PKP2: variants seen among roughly 807,000 people sequenced by gnomAD.
The protein encoded by PKP2 is plakophilin 2.
A neutral mutation model predicts 83.4 loss-of-function variants in PKP2; 73 were observed. The ratio of observed to expected loss-of-function variants is 0.88; its 90% CI spans 0.72 to 1.06. The LOEUF (loss-of-function observed/expected upper bound fraction) is 1.06. Among genes scored for constraint, PKP2 ranks in the 50% least tolerant of loss-of-function variants. PKP2 has a pLI of 0.00. For missense variants in PKP2, 966 were observed against 1,065.4 expected (o/e 0.91, Z 1.30); for synonymous variants, 409 against 430.4 (o/e 0.95, Z 0.62).
At chr12:32,858,205 G>A (rs932521967) in intron 4 of PKP2, among the ~76,000 whole-genome samples, 2 of 144,796 alleles carry the variant, frequency 1.4e-5, no homozygotes, top group African/African-American at 5.2e-5. Flanking sequence ...CTACTTGGGA[G>A]GCTCCGGTGG....
In PKP2 at chr12:32,821,560, A is replaced by C. The variant is rs371819053; in HGVS notation, c.1840-31T>G. The C allele has an allele frequency of 5.0e-6, 8 of 1,609,474 alleles. No individual in the cohort carries two copies. In the African/African-American group the frequency reaches 1.1e-4, roughly 22 times the overall value. On this transcript the variant is annotated intron_variant, in intron 8 of 12. Transcript: ENST00000340811. ...CACACACAAAAGGAATCCAGAATTAATGCATGTCAGGTGATGGCTATAATT... is the reference window on the plus strand; with the variant it reads ...CACACACAAAAGGAATCCAGAATTACTGCATGTCAGGTGATGGCTATAATT...
At chr12:32,866,374 G>A (rs1165165895) in intron 4 of PKP2, among the ~76,000 whole-genome samples, 2 of 151,650 alleles carry the variant, frequency 1.3e-5, no homozygotes, top group East Asian at 1.9e-4. Context: ...GCAACATGGT[G>A]AAACCCCATC....
intron 4 of PKP2, among the ~76,000 whole-genome samples, chr12:32,855,477 T>A (rs1956736995): frequency 6.6e-6 from 1 of 152,104 alleles, no homozygotes; most frequent in Non-Finnish European, 1.5e-5. Flanking sequence ...ATATGTCATT[T>A]AAAAAATGGA....
intron 3 of PKP2, among the ~76,000 whole-genome samples, chr12:32,877,057 A>G (rs533562157): frequency 2.0e-5 from 3 of 152,342 alleles, no homozygotes; most frequent in Admixed American, 2.0e-4. Context: ...ATCATTAGAC[A>G]ACTTTAGCAA....
At chr12:32,802,952 C>A (rs1241581902) in intron 9 of PKP2, among the ~76,000 whole-genome samples, 1 of 151,992 alleles carries the variant, frequency 6.6e-6, no homozygotes, top group African/African-American at 2.4e-5. Context: ...AACCACCATG[C>A]CCAGCCGAAG....
chr12:32,878,935 G>C lies in PKP2; in HGVS notation c.321C>G (p.Thr107=), dbSNP rs1287313743. 6.4e-7 allele frequency: 1 copy of C among 1,572,074 alleles called. No individual in the cohort carries two copies. The highest frequency in any genetic ancestry group is 8.7e-7 in the Non-Finnish European group (1 of 1,143,568). The part of the protein sequence containing the change: ...FVGGRSPVPK[T]YDMLKAGTTA... ...GATATCCTACCTTTAGCATGTCATA[G>C]GTTTTAGGAACAGGGGAACGGCCTC... Residue 107 remains threonine, a synonymous_variant, in exon 2 of 13, where the codon ACC becomes ACG. Coordinates refer to ENST00000340811, the MANE Select transcript of PKP2 (RefSeq NM_001005242.3).
rs71447623 is a variant in PKP2, at chr12:32,796,035, CA to C, written c.2357+73del. On this transcript the variant is annotated intron_variant, in intron 11 of 12. Transcript: ENST00000340811. ...CACATGATGGTCATGACCGCACATT[CA>C]CAACCGGATTATTTACACACAGGCT... 0.48 allele frequency: 638,426 copies of C among 1,337,804 alleles called. 164,606 individuals are homozygous for C. The highest frequency in any genetic ancestry group is 0.54 in the Non-Finnish European group (503,964 of 930,702). 82.9% of individuals were successfully genotyped at this position (1,337,804 alleles called of 1,614,324 possible).
chr12:32,819,126 A>T (rs1285612688), intron 9 of PKP2, among the ~76,000 whole-genome samples: 1 of 151,800 alleles, frequency 6.6e-6, no homozygotes, highest in East Asian at 1.9e-4. Context: ...AAAAATACAA[A>T]AATTAGCTGG....
At chr12:32,843,124 C>A (rs141138287) in intron 5 of PKP2, 27 of 410,568 alleles carry the variant, frequency 6.6e-5, no homozygotes, top group East Asian at 3.6e-4. Context: ...GGATTACAGG[C>A]GCAGACCACG....
chr12:32,886,745 A>T (rs1252965298), intron 1 of PKP2, among the ~76,000 whole-genome samples: 1 of 152,168 alleles, frequency 6.6e-6, no homozygotes, highest in African/African-American at 2.4e-5. Flanking sequence ...CAATCCTAGC[A>T]CTTGGGGAGG....
chr12:32,842,948 C>A (rs1956610004), intron 5 of PKP2, among the ~76,000 whole-genome samples: 1 of 151,886 alleles, frequency 6.6e-6, no homozygotes, highest in Non-Finnish European at 1.5e-5. Context: ...GCTGAGATTA[C>A]AGGCGTGAGC....
chr12:32,880,408 C>A (rs1465768122), intron 1 of PKP2, among the ~76,000 whole-genome samples: 1 of 151,916 alleles, frequency 6.6e-6, no homozygotes, highest in Non-Finnish European at 1.5e-5. Context: ...CTCAAAAAAA[C>A]AAAAACAAAA....
rs1052103089 is a variant in PKP2 at position 32,831,419 on chromosome 12, A to G, written c.1557-7257T>C. Reference sequence around the variant, plus strand: ...CCTTGTGTCACAAAATACAGTTCATAAAACACCAATTTGAGCTATACACAG... The same window carrying G: ...CCTTGTGTCACAAAATACAGTTCATGAAACACCAATTTGAGCTATACACAG... On this transcript the variant is annotated intron_variant, in intron 6 of 12. Transcript: ENST00000340811. Among the ~76,000 whole-genome samples, 3 of 152,354 alleles carry G rather than the reference A, an allele frequency of 2.0e-5. No individual in the cohort carries two copies. In the South Asian group the frequency reaches 6.2e-4, roughly 32 times the overall value.
chr12:32,867,672 A>G (rs1956861273), intron 4 of PKP2, among the ~76,000 whole-genome samples: 1 of 152,224 alleles, frequency 6.6e-6, no homozygotes, highest in Non-Finnish European at 1.5e-5. Context: ...ATCATTTATG[A>G]TTTCATGTTT....
At chr12:32,835,824 T>C (rs868431779) in intron 6 of PKP2, among the ~76,000 whole-genome samples, 1 of 152,118 alleles carries the variant, frequency 6.6e-6, no homozygotes, top group African/African-American at 2.4e-5. Context: ...CCAATTTCTT[T>C]CTTTCTTTGT....
At chr12:32,879,184 T>G (rs1956963420) in intron 1 of PKP2, 152 bp from the exon 2 acceptor site, 1 of 667,680 alleles carries the variant, frequency 1.5e-6, no homozygotes, top group Non-Finnish European at 2.7e-6. Context: ...TAAATGCTAG[T>G]TTCACACCAC....
chr12:32,871,471 T>A (rs1034049756), intron 3 of PKP2, among the ~76,000 whole-genome samples: 3 of 151,964 alleles, frequency 2.0e-5, no homozygotes, highest in Non-Finnish European at 4.4e-5. Context: ...AATTTTTTTT[T>A]TTTATTTTTT....
At chr12:32,810,340 G>C (rs532770629) in intron 9 of PKP2, among the ~76,000 whole-genome samples, 11 of 128,768 alleles carry the variant, frequency 8.5e-5, no homozygotes, top group African/African-American at 2.9e-4. Flanking sequence ...TTTTGCAAAG[G>C]TAAGGAGTTC....
chr12:32,864,113 C>A (rs2137904274), intron 4 of PKP2, among the ~76,000 whole-genome samples: 1 of 152,158 alleles, frequency 6.6e-6, no homozygotes, highest in East Asian at 1.9e-4. Context: ...GATTCAAAAA[C>A]TCCATTAAAG....
Sources: gnomAD v4.1 joint callset for allele counts (sites outside exome capture counted in the v4.1 genomes callset) on GRCh38, gnomAD v4.1.1 for gene constraint, MANE v1.5 for transcripts, NCBI Gene and HGNC (gene_info 2026-07-23, HGNC 2026-07-21) for gene names.